TENM4: variants seen among roughly 807,000 people sequenced by gnomAD.
TENM4 encodes teneurin transmembrane protein 4.
Under a neutral mutation model 243.3 loss-of-function variants are expected in TENM4, and 82 were observed. The observed-to-expected ratio is 0.34, with a 90% CI of 0.28 to 0.40. The LOEUF is 0.40. Ranked by LOEUF, TENM4 falls within the 10% of genes least tolerant of loss-of-function variation. TENM4 has a pLI of 1.00. For missense variants in TENM4, 3,138 were observed against 3,673.3 expected (o/e 0.85, Z 3.77); for synonymous variants, 1,412 against 1,456.3 (o/e 0.97, Z 0.69).
At chr11:78,967,277 C>G (rs1473311452) in intron 6 of TENM4, among the ~76,000 whole-genome samples, 3 of 152,150 alleles carry the variant, frequency 2.0e-5, no homozygotes, top group Admixed American at 2.0e-4. Flanking sequence ...AGTGCAGTGT[C>G]TTGCACATAG....
intron 6 of TENM4, among the ~76,000 whole-genome samples, chr11:78,950,675 TG>T (rs1333822047): frequency 6.6e-6 from 1 of 152,238 alleles, no homozygotes; most frequent in East Asian, 1.9e-4. Flanking sequence ...GTACGATAAC[TG>T]GGCACTTTGC....
At chr11:79,021,560 A>AG (rs1858928647) in intron 6 of TENM4, 2 of 152,142 alleles carry the variant, frequency 1.3e-5, no homozygotes, top group Non-Finnish European at 2.9e-5. Flanking sequence ...GGCTGCTTCC[A>AG]GGGGGTGTTC....
intron 5 of TENM4, among the ~76,000 whole-genome samples, chr11:79,065,333 C>T (rs1363778738): frequency 6.6e-6 from 1 of 152,232 alleles, no homozygotes; most frequent in Non-Finnish European, 1.5e-5. Context: ...CCTGGTCATA[C>T]TGCACAGTAG....
At chr11:79,249,115 T>C (rs1479571672) in intron 2 of TENM4, among the ~76,000 whole-genome samples, 1 of 152,244 alleles carries the variant, frequency 6.6e-6, no homozygotes, top group Non-Finnish European at 1.5e-5. Context: ...AATTCTTATT[T>C]GTTTGAGTGC....
At chr11:78,982,046 A>G (rs1174451868) in intron 6 of TENM4, among the ~76,000 whole-genome samples, 1 of 152,200 alleles carries the variant, frequency 6.6e-6, no homozygotes, top group Non-Finnish European at 1.5e-5. Context: ...GTTTGGTTGC[A>G]TAATGATTCT....
At chr11:79,143,011 A>C (rs1245493444) in intron 4 of TENM4, among the ~76,000 whole-genome samples, 2 of 152,190 alleles carry the variant, frequency 1.3e-5, no homozygotes, top group Non-Finnish European at 2.9e-5. Flanking sequence ...GTGATCATTA[A>C]AAAGTCAGGA....
chr11:79,012,045 T>C (rs1170848608), intron 6 of TENM4, among the ~76,000 whole-genome samples: 1 of 152,180 alleles, frequency 6.6e-6, no homozygotes. Flanking sequence ...TGGGACAAAC[T>C]GCAATCCACG....
chr11:78,929,601 C>T (rs1332051820), intron 6 of TENM4, among the ~76,000 whole-genome samples: 6 of 151,980 alleles, frequency 3.9e-5, no homozygotes, highest in African/African-American at 1.4e-4. Flanking sequence ...AAATGTAAGA[C>T]TTAAGCTAAG....
Position 79,374,001 on chromosome 11 carries a change from G to C in TENM4, c.-321+66508C>G, listed in dbSNP as rs565775456. 7.9e-5 allele frequency among the ~76,000 whole-genome samples: 12 copies of C among 152,286 alleles called. No homozygotes were observed. The South Asian group carries it at 1.7e-3, about 21-fold the overall frequency. ...TGGGGCAGGAAAGCAGGTAGGAGAG[G>C]GGGGCATGCAGGCAAGCCTGGGTTG... On this transcript the variant is annotated intron_variant, in intron 1 of 33. Transcript: ENST00000278550.
chr11:78,936,271 C>G (rs1169317980), intron 6 of TENM4, among the ~76,000 whole-genome samples: 1 of 152,202 alleles, frequency 6.6e-6, no homozygotes, highest in Non-Finnish European at 1.5e-5. Context: ...TAGCTTGAGT[C>G]TGAGCCTCAC....
chr11:79,212,431 T>G (rs990741197), intron 3 of TENM4, among the ~76,000 whole-genome samples: 1 of 152,220 alleles, frequency 6.6e-6, no homozygotes, highest in African/African-American at 2.4e-5. Context: ...TCCTCTTCCC[T>G]TTTTTGTCCC....
intron 6 of TENM4, among the ~76,000 whole-genome samples, chr11:78,929,207 A>G (rs901986715): frequency 6.6e-6 from 1 of 152,224 alleles, no homozygotes; most frequent in Admixed American, 6.5e-5. Context: ...GCCTTCTGCT[A>G]GGATATTCCA....
intron 2 of TENM4, among the ~76,000 whole-genome samples, chr11:79,249,297 T>G (rs72937364): frequency 5.3e-5 from 8 of 152,158 alleles, no homozygotes; most frequent in Admixed American, 3.3e-4. Context: ...TACCTACCCA[T>G]GGGCACAGAG....
chr11:78,990,860 T>G (rs1467769758), intron 6 of TENM4, among the ~76,000 whole-genome samples: 1 of 152,248 alleles, frequency 6.6e-6, no homozygotes, highest in Non-Finnish European at 1.5e-5. Flanking sequence ...CTTGTCATGC[T>G]TCTCTGTTCT....
rs2046288986 is a variant in TENM4, at chr11:79,412,144, GAGGACAC to G, written c.-321+28358_-321+28364del. Among the ~76,000 whole-genome samples, 3 of 152,208 alleles carry G rather than the reference GAGGACAC, an allele frequency of 2.0e-5. No individual in the cohort carries two copies. The South Asian group carries it at 6.2e-4, about 32-fold the overall frequency. On this transcript the variant is annotated intron_variant, in intron 1 of 33. Coordinates refer to ENST00000278550, the MANE Select transcript of TENM4 (RefSeq NM_001098816.3). ...TCAGGAGCCCTCCCGAACACCCCAA[GAGGACAC>G]AGCCTTCCCAGCTCTGCTAGCAAGT...
chr11:79,204,823 G>A (rs766394179), intron 3 of TENM4, among the ~76,000 whole-genome samples: 1 of 152,070 alleles, frequency 6.6e-6, no homozygotes, highest in Non-Finnish European at 1.5e-5. Flanking sequence ...CTGGATGACT[G>A]GAAACAAACA....
chr11:79,110,058 C>T (rs1861468988), intron 4 of TENM4, among the ~76,000 whole-genome samples: 1 of 152,212 alleles, frequency 6.6e-6, no homozygotes. Flanking sequence ...TTCACCGAAA[C>T]CTAGTTTAAA....
rs569619183 is a variant in TENM4 at position 78,741,867 on chromosome 11, C to T, written c.2757-3297G>A. ...TAACGTGGGAGCAAATCACTGTCAC[C>T]GACTTGGCTTCCCAGCTAGCTCATA... On this transcript the variant is annotated intron_variant, in intron 19 of 33. Transcript: ENST00000278550. Among the ~76,000 whole-genome samples, 40 of 152,270 alleles carry T rather than the reference C, an allele frequency of 2.6e-4. No homozygotes were observed. The South Asian group carries it at 7.7e-3, about 29-fold the overall frequency.
intron 16 of TENM4, among the ~76,000 whole-genome samples, chr11:78,779,564 T>C (rs1030142591): frequency 3.3e-5 from 5 of 152,176 alleles, no homozygotes; most frequent in African/African-American, 1.2e-4. Flanking sequence ...GCCTCTTAAT[T>C]CCCAGCATGA....
Sources: allele counts gnomAD v4.1 joint callset (sites outside exome capture counted in the v4.1 genomes callset), GRCh38; gene constraint gnomAD v4.1.1; transcripts MANE v1.5; gene names NCBI Gene and HGNC (gene_info 2026-07-23, HGNC 2026-07-21).